The following LAMC3 variants were observed in gnomAD, a reference collection of about 807,000 sequenced individuals.
LAMC3 encodes the protein laminin subunit gamma-3.
In LAMC3, 128 loss-of-function variants were observed where a neutral mutation model predicts 173.8. That is an observed-to-expected ratio of 0.74 (90% CI 0.64 to 0.85). LAMC3 has a LOEUF of 0.85. Among genes scored for constraint, LAMC3 ranks in the 40% least tolerant of loss-of-function variants. The pLI, the probability that LAMC3 is intolerant of heterozygous loss-of-function variation, is 0.00. For synonymous variants in LAMC3, 897 were observed against 909.1 expected, an observed-to-expected ratio of 0.99 and a Z score of 0.24; for missense variants, 2,022 against 2,156.0, an observed-to-expected ratio of 0.94 and a Z score of 1.23.
Position 131,079,204 on chromosome 9 carries a change from C to T in LAMC3, c.3833C>T (p.Thr1278Ile), listed in dbSNP as rs1830190829. ...LGLKAKALEK[T>I]VASWQHMATE... ...CTGAAGGCGAAGGCCCTGGAGAAGACAGTTGCATCATGGCAGCACATGGCC... is the reference window on the plus strand; with the variant it reads ...CTGAAGGCGAAGGCCCTGGAGAAGATAGTTGCATCATGGCAGCACATGGCC... Residue 1278 changes from threonine (T) to isoleucine (I), a missense_variant, in exon 23 of 28, where the codon ACA (threonine) becomes ATA (isoleucine). Thr to Ile is a moderately conservative substitution (Grantham distance 89, BLOSUM62 -1). Coordinates refer to ENST00000361069, the MANE Select transcript of LAMC3 (RefSeq NM_006059.4). 4 of 1,614,020 alleles carry T rather than the reference C, an allele frequency of 2.5e-6. No homozygotes were observed. The highest frequency in any genetic ancestry group is 3.4e-6 in the Non-Finnish European group (4 of 1,180,012).
intron 1 of LAMC3, among the ~76,000 whole-genome samples, chr9:131,015,742 A>G (rs981552815): frequency 6.6e-6 from 1 of 151,702 alleles, no homozygotes; most frequent in African/African-American, 2.4e-5. Flanking sequence ...TGCAACCTCC[A>G]CCTCCCAGGT....
intron 17 of LAMC3, 127 bp downstream of exon 17, chr9:131,069,977 C>T (rs1393722263): frequency 3.0e-6 from 3 of 993,846 alleles, no homozygotes; most frequent in East Asian, 2.6e-5. Flanking sequence ...CCACCACCTA[C>T]CTTCTCCCTG....
chr9:131,072,871 A>T (rs1303073958), intron 19 of LAMC3, 36 bp downstream of exon 19: 1 of 1,573,834 alleles, frequency 6.4e-7, no homozygotes, highest in Non-Finnish European at 8.7e-7. Context: ...AACACACCAA[A>T]CCTGGGCATT....
intron 1 of LAMC3, among the ~76,000 whole-genome samples, chr9:131,022,221 C>CAA (rs894513396): frequency 2.7e-5 from 4 of 150,596 alleles, no homozygotes; most frequent in African/African-American, 5.0e-5. Context: ...TGAAAACACA[C>CAA]ACACACACAC....
chr9:131,020,811 C>T (rs1184545303), intron 1 of LAMC3, among the ~76,000 whole-genome samples: 1 of 152,150 alleles, frequency 6.6e-6, no homozygotes, highest in Non-Finnish European at 1.5e-5. Context: ...CATAGAGAGA[C>T]TAGGGGAGGA....
rs1488896467 is a variant in LAMC3, at chr9:131,056,941, T to C, written c.1952T>C (p.Leu651Pro). The C allele has an allele frequency of 6.2e-7, 1 of 1,612,692 alleles. No individual in the cohort carries two copies. Among genetic ancestry groups the C allele is most frequent in the African/African-American group, 1.3e-5 (1 of 74,944 alleles). Residue 651 changes from leucine to proline, a missense_variant, in exon 12 of 28, where the codon CTG becomes CCG. Transcript: ENST00000361069. ...TCTCGCTCTGCAGGTCCAGTGTTCC[T>C]GACTGAGGTCCGGCTCACATCCGCC... The part of the protein sequence containing the change: ...PGPSPAGPVF[L>P]TEVRLTSARP...
intron 12 of LAMC3, among the ~76,000 whole-genome samples, chr9:131,059,673 C>T (rs1407612576): frequency 1.3e-5 from 2 of 152,128 alleles, no homozygotes; most frequent in African/African-American, 2.4e-5. Flanking sequence ...TCCTGCAGCC[C>T]CTGTGGAGGA....
At chr9:131,015,945 A>C (rs1833512533) in intron 1 of LAMC3, among the ~76,000 whole-genome samples, 1 of 152,198 alleles carries the variant, frequency 6.6e-6, no homozygotes, top group African/African-American at 2.4e-5. Flanking sequence ...GGCGTGAGCC[A>C]CGGCACCTGA....
At chr9:131,055,208 A>G (rs4740398) in intron 11 of LAMC3, among the ~76,000 whole-genome samples, 109,785 of 151,932 alleles carry the variant, frequency 0.72, 40,342 homozygotes, top group African/African-American at 0.86. Context: ...CCACACTGCC[A>G]AATTTTCCTT....
chr9:131,039,807 G>A (rs552491068), intron 6 of LAMC3, among the ~76,000 whole-genome samples: 27 of 152,050 alleles, frequency 1.8e-4, no homozygotes, highest in South Asian at 4.2e-4. Context: ...AGCAGGGCAC[G>A]CAGTGTGGGG....
At position 131,045,467 on chromosome 9, in the gene LAMC3, C is replaced by A; in HGVS notation, c.1383-57C>A. On this transcript the variant is annotated intron_variant, in intron 7 of 27. Coordinates refer to ENST00000361069, the MANE Select transcript of LAMC3 (RefSeq NM_006059.4). Reference sequence around the variant, plus strand: ...TGGTCCAGCTGGGATACCCTGGCCCCGCCCCTTCCTGGCTGATTCACGTGG... The same window carrying A: ...TGGTCCAGCTGGGATACCCTGGCCCAGCCCCTTCCTGGCTGATTCACGTGG... 4.4e-6 allele frequency: 7 copies of A among 1,606,214 alleles called. No homozygotes were observed. In the South Asian group the frequency reaches 7.7e-5, roughly 18 times the overall value.
chr9:131,017,325 G>A (rs911966851), intron 1 of LAMC3, among the ~76,000 whole-genome samples: 4 of 152,260 alleles, frequency 2.6e-5, no homozygotes, highest in African/African-American at 7.2e-5. Flanking sequence ...GCAAACGAGC[G>A]GCCTCACGCG....
chr9:131,085,536 A>G lies in LAMC3; in HGVS notation c.4043A>G (p.Gln1348Arg). Residue 1348 changes from glutamine to arginine, a missense_variant, in exon 25 of 28, where the codon CAG becomes CGG. Transcript: ENST00000361069. ...GCCGGGTTTGCAGGAATGAAGCTGC[A>G]GTTTCCCCGGCCCAAGGACCAGGCG... is the stretch of plus-strand genomic sequence containing the variant. ...LLADLEGMKL[Q>R]FPRPKDQAAL... The G allele has an allele frequency of 6.2e-7, 1 of 1,613,952 alleles. No individual in the cohort carries two copies. The highest frequency in any genetic ancestry group is 1.7e-5 in the Admixed American group (1 of 60,018).
intron 11 of LAMC3, among the ~76,000 whole-genome samples, chr9:131,055,320 T>C (rs1235190666): frequency 6.6e-6 from 1 of 152,162 alleles, no homozygotes. Flanking sequence ...TATAGTTGTT[T>C]TCTGTGGGAA....
intron 24 of LAMC3, among the ~76,000 whole-genome samples, chr9:131,083,840 T>C (rs1830282613): frequency 6.6e-6 from 1 of 151,544 alleles, no homozygotes; most frequent in Non-Finnish European, 1.5e-5. Flanking sequence ...AAAATTGACT[T>C]TTACTTTGTC....
intron 14 of LAMC3, among the ~76,000 whole-genome samples, chr9:131,067,791 C>T (rs1271112738): frequency 1.3e-5 from 2 of 152,158 alleles, no homozygotes; most frequent in Non-Finnish European, 2.9e-5. Context: ...TGCCTGTGAC[C>T]CTCGCCCAAG....
chr9:131,027,393 C>T (rs962933611), intron 2 of LAMC3, among the ~76,000 whole-genome samples: 8 of 152,330 alleles, frequency 5.3e-5, no homozygotes, highest in Non-Finnish European at 1.0e-4. Context: ...CATGTGTCTC[C>T]AAGGGCTCCT....
At chr9:131,057,224 GC>G in intron 12 of LAMC3, 77 bp downstream of exon 12, 1 of 1,275,742 alleles carries the variant, frequency 7.8e-7, no homozygotes, top group Non-Finnish European at 1.1e-6. Flanking sequence ...CCTGAACAGG[GC>G]CAGCCTGGCA....
At chr9:131,070,355 A>G (rs962677134) in intron 17 of LAMC3, among the ~76,000 whole-genome samples, 4 of 152,212 alleles carry the variant, frequency 2.6e-5, no homozygotes, top group African/African-American at 7.2e-5. Flanking sequence ...CAGGCCTGCA[A>G]TCCTTTTCTA....
Sources: gnomAD v4.1 joint callset for allele counts (sites outside exome capture counted in the v4.1 genomes callset) on GRCh38, gnomAD v4.1.1 for gene constraint, MANE v1.5 for transcripts, NCBI Gene and HGNC (gene_info 2026-07-23, HGNC 2026-07-21) for gene names.